KCNIP4: variants seen among roughly 807,000 people sequenced by gnomAD.
KCNIP4 encodes Kv channel-interacting protein 4.
A neutral mutation model predicts 34.0 loss-of-function variants in KCNIP4; 12 were observed. That is an observed-to-expected ratio of 0.35 (90% CI 0.23 to 0.57). The LOEUF is 0.57. KCNIP4 is among the 20% of genes least tolerant of loss of function. The pLI, the probability that KCNIP4 is intolerant of heterozygous loss-of-function variation, is 0.83. For missense variants in KCNIP4, 238 were observed against 311.7 expected, an observed-to-expected ratio of 0.76 and a Z score of 1.78; for synonymous variants, 124 against 102.2, an observed-to-expected ratio of 1.21 and a Z score of -1.29.
chr4:21,190,499 G>C (rs1293387447), intron 1 of KCNIP4, among the ~76,000 whole-genome samples: 1 of 144,088 alleles, frequency 6.9e-6, no homozygotes, highest in Non-Finnish European at 1.5e-5. Context: ...TTCTTTTTGC[G>C]AGTGGGTGGG....
At chr4:21,276,931 A>G (rs1762479827) in intron 1 of KCNIP4, among the ~76,000 whole-genome samples, 1 of 152,300 alleles carries the variant, frequency 6.6e-6, no homozygotes, top group South Asian at 2.1e-4. Flanking sequence ...TGGAACATGA[A>G]TATGAGGTTA....
At chr4:21,752,700 C>T (rs1717236419) in intron 1 of KCNIP4, among the ~76,000 whole-genome samples, 1 of 152,132 alleles carries the variant, frequency 6.6e-6, no homozygotes, top group Admixed American at 6.6e-5. Context: ...TGTAAATAAT[C>T]CCAAACCAAG....
chr4:21,851,159 G>A (rs1340242273), intron 1 of KCNIP4: 6 of 152,090 alleles, frequency 3.9e-5, no homozygotes, highest in Non-Finnish European at 7.3e-5. Flanking sequence ...ACAGAAGAGA[G>A]CCACAGGCAT....
intron 3 of KCNIP4, among the ~76,000 whole-genome samples, chr4:20,818,370 G>A (rs531832795): frequency 5.9e-5 from 9 of 152,292 alleles, no homozygotes; most frequent in African/African-American, 1.7e-4. Flanking sequence ...AGGAAAGTTA[G>A]CATAGAATAT....
In KCNIP4 at chr4:21,255,882, A is replaced by G. The variant is rs139580957; in HGVS notation, c.62-373173T>C. 1.1e-3 allele frequency among the ~76,000 whole-genome samples: 172 copies of G among 152,246 alleles called. 3 individuals are homozygous for G. The highest frequency in any genetic ancestry group is 0.01 in the Admixed American group (156 of 15,296). On this transcript the variant is annotated intron_variant, in intron 1 of 8. Coordinates refer to ENST00000382152, the MANE Select transcript of KCNIP4 (RefSeq NM_025221.6). Reference sequence around the variant, plus strand: ...GGATGCTTTATTCATTCATTTATTAATTCAATTAATTTTGATCAAGTGCCT... The same window carrying G: ...GGATGCTTTATTCATTCATTTATTAGTTCAATTAATTTTGATCAAGTGCCT...
At chr4:21,087,832 C>T (rs960490765) in intron 1 of KCNIP4, among the ~76,000 whole-genome samples, 1 of 152,172 alleles carries the variant, frequency 6.6e-6, no homozygotes, top group African/African-American at 2.4e-5. Flanking sequence ...TTCTTCTTTT[C>T]TCTCCAGCCA....
At chr4:21,390,381 C>T (rs1331274080) in intron 1 of KCNIP4, among the ~76,000 whole-genome samples, 1 of 152,144 alleles carries the variant, frequency 6.6e-6, no homozygotes, top group Non-Finnish European at 1.5e-5. Flanking sequence ...CTTGCCCATG[C>T]CTATGTCTTC....
chr4:21,370,549 G>GA lies in KCNIP4; in HGVS notation c.62-487841dup, dbSNP rs199953604. ...AAACCTATGTTCTAAGTGCTATTGA[G>GA]AAAAAAAAAGAAGCAGAGAAGACAT... On this transcript the variant is annotated intron_variant, in intron 1 of 8. Transcript: ENST00000382152. Among the ~76,000 whole-genome samples the GA allele has an allele frequency of 1.5e-3, 213 of 141,096 alleles. 4 individuals are homozygous for GA. Among genetic ancestry groups the GA allele is most frequent in the Admixed American group, 2.3e-3 (33 of 14,660 alleles). The allele number at this position is 141,096 out of a possible 152,430, so 92.6% of individuals were successfully genotyped here.
intron 3 of KCNIP4, among the ~76,000 whole-genome samples, chr4:20,845,174 G>A (rs1446089213): frequency 1.3e-5 from 2 of 152,110 alleles, no homozygotes; most frequent in Non-Finnish European, 2.9e-5. Context: ...CCATGGTCAA[G>A]CCATCATGAC....
At chr4:21,634,982 T>C (rs1009320890) in intron 1 of KCNIP4, among the ~76,000 whole-genome samples, 18 of 152,170 alleles carry the variant, frequency 1.2e-4, no homozygotes, top group African/African-American at 4.3e-4. Context: ...GATTACAAAA[T>C]TGTATTCACT....
rs145568793 is a variant in KCNIP4 at position 21,651,325 on chromosome 4, G to C, written c.61+297246C>G. On this transcript the variant is annotated intron_variant, in intron 1 of 8. Transcript: ENST00000382152. ...TAAGCTGCTATCTTCAGGAGGGCTG[G>C]ACAGAGAAGGCAAGGAGAGGGCATA... Among the ~76,000 whole-genome samples the C allele has an allele frequency of 1.7e-3, 260 of 152,300 alleles. 1 individual carries two copies. The highest frequency in any genetic ancestry group is 5.9e-3 in the African/African-American group (246 of 41,570).
At chr4:21,361,932 T>C (rs1233226301) in intron 1 of KCNIP4, among the ~76,000 whole-genome samples, 1 of 152,072 alleles carries the variant, frequency 6.6e-6, no homozygotes, top group Non-Finnish European at 1.5e-5. Context: ...TCCTTCTCTT[T>C]TCAAAACTCC....
chr4:21,385,585 A>G (rs1721956056), intron 1 of KCNIP4, among the ~76,000 whole-genome samples: 1 of 152,204 alleles, frequency 6.6e-6, no homozygotes, highest in Admixed American at 6.5e-5. Context: ...TAAAACATAT[A>G]GAATGATTGC....
intron 1 of KCNIP4, among the ~76,000 whole-genome samples, chr4:21,397,865 G>T (rs1011909837): frequency 6.7e-6 from 1 of 149,418 alleles, no homozygotes; most frequent in Non-Finnish European, 1.5e-5. Flanking sequence ...ATGGGTGATG[G>T]ACTATATGAT....
At chr4:21,702,618 T>C (rs2109064368) in intron 1 of KCNIP4, among the ~76,000 whole-genome samples, 1 of 152,184 alleles carries the variant, frequency 6.6e-6, no homozygotes, top group African/African-American at 2.4e-5. Flanking sequence ...TATAAAATTT[T>C]CCATTAAAAA....
At chr4:21,731,922 C>T (rs1257939655) in intron 1 of KCNIP4, among the ~76,000 whole-genome samples, 1 of 152,012 alleles carries the variant, frequency 6.6e-6, no homozygotes, top group Admixed American at 6.6e-5. Context: ...GGGCAGGGCT[C>T]AATGAGAAAC....
chr4:21,229,454 C>T (rs1310505922), intron 1 of KCNIP4, among the ~76,000 whole-genome samples: 1 of 152,162 alleles, frequency 6.6e-6, no homozygotes, highest in African/African-American at 2.4e-5. Flanking sequence ...CTGTAAGTGT[C>T]TCACACAGTG....
chr4:20,850,655 T>C lies in KCNIP4; in HGVS notation c.176A>G (p.Asp59Gly), dbSNP rs1014597603. The C allele has an allele frequency of 3.1e-6, 5 of 1,611,988 alleles. No individual in the cohort carries two copies. Among genetic ancestry groups the C allele is most frequent in the Admixed American group, 3.3e-5 (2 of 59,892 alleles). ...SSPAIQNSVEDELEMATVRHR... is the reference protein window; with the variant it reads ...SSPAIQNSVEGELEMATVRHR... ...CCTGACGGTGGCCATCTCCAGTTCA[T>C]CTTCCACGCTGTCTGTGGAGGAAAA... Residue 59 changes from aspartate to glycine, a missense_variant, in exon 3 of 9, where the codon GAT becomes GGT. Transcript: ENST00000382152.
intron 1 of KCNIP4, among the ~76,000 whole-genome samples, chr4:21,755,013 C>A (rs1467691205): frequency 6.6e-6 from 1 of 152,042 alleles, no homozygotes; most frequent in Admixed American, 6.6e-5. Flanking sequence ...CAGGCATGGT[C>A]ATGTGTGCCT....
Sources: gnomAD v4.1 joint callset for allele counts (sites outside exome capture counted in the v4.1 genomes callset) on GRCh38, gnomAD v4.1.1 for gene constraint, MANE v1.5 for transcripts, NCBI Gene and HGNC (gene_info 2026-07-23, HGNC 2026-07-21) for gene names.